RCC1: variants seen among roughly 807,000 people sequenced by gnomAD.
RCC1 encodes the protein regulator of chromosome condensation 1, also known as regulator of chromosome condensation.
Under a neutral mutation model 44.4 loss-of-function variants are expected in RCC1, and 11 were observed. That is an observed-to-expected ratio of 0.25 (90% CI 0.16 to 0.41). RCC1 has a LOEUF of 0.41. Ranked by LOEUF, RCC1 falls within the 10% of genes least tolerant of loss-of-function variation. The probability of loss-of-function intolerance (pLI) is 1.00; values close to 1 mark genes in which losing one functional copy is unlikely to be tolerated. For synonymous variants in RCC1, 213 were observed against 216.5 expected (o/e 0.98, Z 0.14); for missense variants, 386 against 547.1 (o/e 0.71, Z 2.94).
intron 5 of RCC1, among the ~76,000 whole-genome samples, chr1:28,531,084 C>G (rs966147999): frequency 7.9e-5 from 12 of 152,116 alleles, no homozygotes; most frequent in Non-Finnish European, 1.6e-4. Flanking sequence ...AAAAAATTAG[C>G]CTTGCGCGGT....
chr1:28,507,168 ATAGTACTAACCGCC>A (rs1420724821), intron 1 of RCC1: 13 of 339,286 alleles, frequency 3.8e-5, no homozygotes, highest in Non-Finnish European at 2.9e-5. Flanking sequence ...TACCTTCCAC[ATAGTACTAACCGCC>A]TATTGTAAAG....
intron 3 of RCC1, among the ~76,000 whole-genome samples, chr1:28,511,705 G>C (rs1257357587): frequency 1.3e-5 from 2 of 149,820 alleles, no homozygotes; most frequent in African/African-American, 4.9e-5. Context: ...TCTGTCTCCA[G>C]GAGGGAGTGC....
At chr1:28,507,168 A>AT (rs1295550639) in intron 1 of RCC1, 1 of 339,286 alleles carries the variant, frequency 2.9e-6, no homozygotes, top group Admixed American at 3.9e-5. Context: ...TACCTTCCAC[A>AT]TAGTACTAAC....
chr1:28,506,182 A>G (rs1029456986), intron 1 of RCC1, 98 bp downstream of exon 1: 5 of 444,266 alleles, frequency 1.1e-5, no homozygotes, highest in Non-Finnish European at 2.2e-5. Flanking sequence ...GGAAGATCAT[A>G]TAGTATTTTA....
intron 3 of RCC1, among the ~76,000 whole-genome samples, chr1:28,514,622 ATGG>A (rs1474485682): frequency 6.7e-6 from 1 of 149,956 alleles, no homozygotes; most frequent in Non-Finnish European, 1.5e-5. Flanking sequence ...TTAGCCGGGC[ATGG>A]TGGCACATGC....
chr1:28,518,214 C>G (rs1012731245), intron 4 of RCC1: 1 of 151,996 alleles, frequency 6.6e-6, no homozygotes, highest in African/African-American at 2.4e-5. Context: ...CTTTCTCACC[C>G]GGGTCGGGGC....
At chr1:28,510,107 A>C (rs1431699816) in intron 3 of RCC1, 4 of 152,284 alleles carry the variant, frequency 2.6e-5, no homozygotes, top group Non-Finnish European at 5.9e-5. Flanking sequence ...TCTAGAAGGT[A>C]AAGTTACCTA....
At chr1:28,506,216 T>G (rs765984083) in intron 1 of RCC1, 132 bp downstream of exon 1, 3 of 436,824 alleles carry the variant, frequency 6.9e-6, no homozygotes, top group Non-Finnish European at 1.4e-5. Context: ...TTTTTTTTTT[T>G]GAGACGGAGT....
chr1:28,528,844 C>CTTTTTTTTTTTT (rs59005617), intron 4 of RCC1, among the ~76,000 whole-genome samples: 3 of 87,228 alleles, frequency 3.4e-5, no homozygotes, highest in Non-Finnish European at 4.3e-5. Context: ...GTTTTTCTTC[C>CTTTTTTTTTTTT]TTTTTTTTTT....
At chr1:28,511,084 C>T (rs1328847885) in intron 3 of RCC1, among the ~76,000 whole-genome samples, 1 of 152,136 alleles carries the variant, frequency 6.6e-6, no homozygotes, top group South Asian at 2.1e-4. Context: ...CAAACAGGCA[C>T]TTCTGGCCTT....
chr1:28,508,913 GAT>G lies in RCC1; in HGVS notation c.-153+9_-153+10del, dbSNP rs1491319052. On this transcript the variant is annotated intron_variant, in intron 3 of 12. Transcript: ENST00000683442. ...ATATAGAAGGGAGAGTAGGTAAACTGATTTTTTTTTTTAACAGGGAGGGTTTG... is the reference window on the plus strand; with the variant it reads ...ATATAGAAGGGAGAGTAGGTAAACTGTTTTTTTTTTAACAGGGAGGGTTTG... The G allele has an allele frequency of 1.4e-5, 7 of 504,392 alleles. No homozygotes were observed. In the East Asian group the frequency reaches 2.2e-4, roughly 16 times the overall value. The allele number at this position is 504,392 out of a possible 1,614,324, so 31.2% of individuals were successfully genotyped here.
chr1:28,515,406 AGAGT>A (rs1662836378), intron 3 of RCC1, among the ~76,000 whole-genome samples: 1 of 151,990 alleles, frequency 6.6e-6, no homozygotes, highest in Admixed American at 6.6e-5. Context: ...CCTGGATGAC[AGAGT>A]GAGACTCTTG....
chr1:28,526,500 TG>T, intron 4 of RCC1: 2 of 583,178 alleles, frequency 3.4e-6, no homozygotes, highest in African/African-American at 1.9e-5. Context: ...ACGGCTAAAG[TG>T]GGAATCCACT....
At chr1:28,523,023 A>ATTTCTT (rs1553213106) in intron 4 of RCC1, among the ~76,000 whole-genome samples, 1 of 120,036 alleles carries the variant, frequency 8.3e-6, no homozygotes, top group African/African-American at 3.2e-5. Context: ...GGCAGAAGAA[A>ATTTCTT]TTTCTTTTTT....
chr1:28,531,118 A>G (rs1664133831), intron 5 of RCC1, among the ~76,000 whole-genome samples: 1 of 151,984 alleles, frequency 6.6e-6, no homozygotes, highest in Non-Finnish European at 1.5e-5. Flanking sequence ...AGTCCCAGCT[A>G]CTCAGGAGGC....
intron 7 of RCC1, among the ~76,000 whole-genome samples, chr1:28,533,041 C>T (rs998087943): frequency 7.2e-5 from 11 of 152,106 alleles, no homozygotes; most frequent in South Asian, 4.2e-4. Flanking sequence ...CTCGAACTCC[C>T]GACCCCAGGT....
chr1:28,520,891 G>A (rs1353194009), intron 4 of RCC1, among the ~76,000 whole-genome samples: 2 of 151,916 alleles, frequency 1.3e-5, no homozygotes, highest in African/African-American at 2.4e-5. Context: ...CAGCCTGGCC[G>A]ACATGGTGAA....
At chr1:28,530,500 C>G (rs761134920) in intron 5 of RCC1, 1 of 1,590,082 alleles carries the variant, frequency 6.3e-7, no homozygotes, top group Non-Finnish European at 8.5e-7. Flanking sequence ...GACCCACGCT[C>G]AGACAGTGTC....
At position 28,507,421 on chromosome 1, in the gene RCC1, G is replaced by A. The variant is rs369082416; in HGVS notation, c.-261-707G>A. On this transcript the variant is annotated intron_variant, in intron 1 of 12. Transcript: ENST00000683442. ...CCCCGGGCTCTGTCCAAGTGGCGTA[G>A]GGGAGCATAGGGCTCTGCCCCATGA... The A allele has an allele frequency of 1.1e-3, 591 of 519,064 alleles. 5 individuals are homozygous for A. Among genetic ancestry groups the A allele is most frequent in the South Asian group, 8.1e-3 (578 of 71,582 alleles). 32.2% of individuals were successfully genotyped at this position (519,064 alleles called of 1,614,324 possible).
Sources: gnomAD v4.1 joint callset for allele counts (sites outside exome capture counted in the v4.1 genomes callset) on GRCh38, gnomAD v4.1.1 for gene constraint, MANE v1.5 for transcripts, NCBI Gene and HGNC (gene_info 2026-07-23, HGNC 2026-07-21) for gene names.